Variants in CNTN5 observed in about 807,000 individuals in gnomAD.
CNTN5 encodes contactin-5.
In CNTN5, 77 loss-of-function variants were observed where a neutral mutation model predicts 129.1. The ratio of observed to expected loss-of-function variants is 0.60; its 90% CI spans 0.50 to 0.72. The LOEUF (loss-of-function observed/expected upper bound fraction) is 0.72. Ranked by LOEUF, CNTN5 falls within the 30% of genes least tolerant of loss-of-function variation. CNTN5 has a pLI of 0.00. For synonymous variants in CNTN5, 509 were observed against 465.6 expected (o/e 1.09, Z -1.20); for missense variants, 1,478 against 1,328.8 (o/e 1.11, Z -1.75).
At chr11:99,655,494 C>A (rs1319257889) in intron 3 of CNTN5, among the ~76,000 whole-genome samples, 1 of 152,090 alleles carries the variant, frequency 6.6e-6, no homozygotes, top group East Asian at 1.9e-4. Context: ...TTCCTTCAGG[C>A]TAGTTGTCTG....
intron 2 of CNTN5, among the ~76,000 whole-genome samples, chr11:99,457,325 C>T (rs1944533156): frequency 6.6e-6 from 1 of 151,792 alleles, no homozygotes; most frequent in Admixed American, 6.6e-5. Context: ...ATGCAGCTCT[C>T]AGGGGACAGA....
chr11:99,196,586 T>C (rs1204566969), intron 1 of CNTN5, among the ~76,000 whole-genome samples: 1 of 151,970 alleles, frequency 6.6e-6, no homozygotes, highest in Admixed American at 6.6e-5. Flanking sequence ...TTCCACTACA[T>C]TGAAGTAATT....
chr11:100,089,914 G>A (rs1944692232), intron 13 of CNTN5, among the ~76,000 whole-genome samples: 1 of 152,010 alleles, frequency 6.6e-6, no homozygotes. Flanking sequence ...GGGAGGGAGA[G>A]AATTGGGAAA....
At chr11:100,047,241 C>G (rs1942728417) in intron 9 of CNTN5, among the ~76,000 whole-genome samples, 3 of 117,972 alleles carry the variant, frequency 2.5e-5, no homozygotes, top group Admixed American at 8.6e-5. Flanking sequence ...CAGTTAACCA[C>G]ATAAAACCTC....
At chr11:99,079,449 C>A (rs1348790316) in intron 1 of CNTN5, among the ~76,000 whole-genome samples, 4 of 152,070 alleles carry the variant, frequency 2.6e-5, no homozygotes, top group African/African-American at 9.7e-5. Flanking sequence ...TGATATCTAT[C>A]CTGAGCATCA....
At chr11:99,451,811 G>A (rs910310489) in intron 2 of CNTN5, among the ~76,000 whole-genome samples, 2 of 152,030 alleles carry the variant, frequency 1.3e-5, no homozygotes, top group African/African-American at 2.4e-5. Flanking sequence ...ATCTTCTTAT[G>A]TTTTAATCAG....
At chr11:99,635,514 A>G (rs138298070) in intron 3 of CNTN5, among the ~76,000 whole-genome samples, 8 of 152,104 alleles carry the variant, frequency 5.3e-5, no homozygotes, top group Non-Finnish European at 1.0e-4. Flanking sequence ...CCTACTACAT[A>G]TGACTGCTCT....
At chr11:99,863,612 G>T (rs1948274183) in intron 6 of CNTN5, among the ~76,000 whole-genome samples, 1 of 152,094 alleles carries the variant, frequency 6.6e-6, no homozygotes, top group Non-Finnish European at 1.5e-5. Context: ...GTAATTAATT[G>T]TTGTACTCAT....
chr11:99,925,820 A>G (rs749165268), intron 7 of CNTN5, among the ~76,000 whole-genome samples: 1 of 152,128 alleles, frequency 6.6e-6, no homozygotes, highest in African/African-American at 2.4e-5. Context: ...CAGATAAGAT[A>G]TAAGTAAACA....
intron 1 of CNTN5, among the ~76,000 whole-genome samples, chr11:99,140,283 G>A (rs993829879): frequency 6.6e-6 from 1 of 151,894 alleles, no homozygotes; most frequent in Non-Finnish European, 1.5e-5. Context: ...GTATCTTGGG[G>A]GTTTGGTGTA....
chr11:100,178,368 C>T (rs1035590991), intron 13 of CNTN5, among the ~76,000 whole-genome samples: 7 of 152,130 alleles, frequency 4.6e-5, no homozygotes, highest in African/African-American at 1.7e-4. Context: ...TTCCTCCTCC[C>T]TGTTCATTCT....
At chr11:99,658,992 G>C (rs685572) in intron 3 of CNTN5, among the ~76,000 whole-genome samples, 148,076 of 152,084 alleles carry the variant, frequency 0.97, 72,213 homozygotes, top group East Asian at 1. Flanking sequence ...TTACAGGGCT[G>C]CAGCACAAAC....
chr11:100,253,005 C>T (rs541616830), intron 16 of CNTN5, among the ~76,000 whole-genome samples: 6 of 152,112 alleles, frequency 3.9e-5, no homozygotes, highest in African/African-American at 7.2e-5. Context: ...TTGACTCCAC[C>T]GTTCAATGGC....
At chr11:99,809,950 T>C (rs17134492) in intron 3 of CNTN5, among the ~76,000 whole-genome samples, 4,736 of 152,232 alleles carry the variant, frequency 0.031, 197 homozygotes, top group Admixed American at 0.093. Context: ...AATTTGGTTA[T>C]ATTTCTCAAC....
chr11:99,686,753 G>A (rs1953812143), intron 3 of CNTN5, among the ~76,000 whole-genome samples: 1 of 152,146 alleles, frequency 6.6e-6, no homozygotes, highest in African/African-American at 2.4e-5. Flanking sequence ...ACTGTGGCCA[G>A]TAATGGAGAG....
At chr11:99,334,341 A>G (rs1372980775) in intron 2 of CNTN5, among the ~76,000 whole-genome samples, 1 of 152,154 alleles carries the variant, frequency 6.6e-6, no homozygotes, top group Non-Finnish European at 1.5e-5. Context: ...CATATTAAAT[A>G]ATTCTACTTG....
At chr11:99,782,357 G>A (rs1323303191) in intron 3 of CNTN5, among the ~76,000 whole-genome samples, 1 of 149,582 alleles carries the variant, frequency 6.7e-6, no homozygotes, top group Non-Finnish European at 1.5e-5. Flanking sequence ...AACATTCCAT[G>A]CTCATGGGTA....
At chr11:99,770,170 TGA>T in intron 3 of CNTN5, among the ~76,000 whole-genome samples, 1 of 152,262 alleles carries the variant, frequency 6.6e-6, no homozygotes, top group South Asian at 2.1e-4. Flanking sequence ...AAAGTCACAT[TGA>T]GTTAGTTTAA....
Position 99,645,599 on chromosome 11 carries a change from C to A in CNTN5, c.55+89330C>A, listed in dbSNP as rs1009253333. On this transcript the variant is annotated intron_variant, in intron 3 of 24. Transcript: ENST00000524871. Reference sequence around the variant, plus strand: ...ATTAAGAAAATGTGGTAATATACACCATGGAATACTATGCAGCCATAAAAA... The same window carrying A: ...ATTAAGAAAATGTGGTAATATACACAATGGAATACTATGCAGCCATAAAAA... 7.2e-5 allele frequency among the ~76,000 whole-genome samples: 11 copies of A among 152,070 alleles called. 1 individual carries two copies. Among genetic ancestry groups the A allele is most frequent in the African/African-American group, 2.7e-4 (11 of 41,492 alleles).
Sources: allele counts gnomAD v4.1 joint callset (sites outside exome capture counted in the v4.1 genomes callset), GRCh38; gene constraint gnomAD v4.1.1; transcripts MANE v1.5; gene names NCBI Gene and HGNC (gene_info 2026-07-23, HGNC 2026-07-21).